TERF2: variants seen among roughly 807,000 people sequenced by gnomAD.
TERF2 encodes the protein telomeric repeat-binding factor 2.
A neutral mutation model predicts 56.1 loss-of-function variants in TERF2; 16 were observed. The observed-to-expected ratio is 0.29, with a 90% CI of 0.19 to 0.43. The LOEUF (loss-of-function observed/expected upper bound fraction) is 0.43. Ranked by LOEUF, TERF2 falls within the 20% of genes least tolerant of loss-of-function variation. The pLI is 1.00. For synonymous variants in TERF2, 296 were observed against 282.1 expected (o/e 1.05, Z -0.50); for missense variants, 547 against 712.9 (o/e 0.77, Z 2.65).
In TERF2 at chr16:69,378,116, T is replaced by C. The variant is rs901839604; in HGVS notation, c.607-5761A>G. ...TGAGTGTTTTTATCATGAACTAATG[T>C]TGAATTCTGTGAATTTCAGCATCAA... On this transcript the variant is annotated intron_variant, in intron 3 of 9. Coordinates refer to ENST00000254942, the MANE Select transcript of TERF2 (RefSeq NM_005652.5). Among the ~76,000 whole-genome samples, 7 of 152,252 alleles carry C rather than the reference T, an allele frequency of 4.6e-5. 1 individual carries two copies. Among genetic ancestry groups the C allele is most frequent in the African/African-American group, 1.7e-4 (7 of 41,464 alleles).
intron 6 of TERF2, among the ~76,000 whole-genome samples, chr16:69,367,816 A>T (rs776579975): frequency 6.6e-6 from 1 of 152,164 alleles, no homozygotes; most frequent in Non-Finnish European, 1.5e-5. Flanking sequence ...AAAACTGGGA[A>T]ATCTCATGGA....
chr16:69,380,301 T>C (rs929247312), intron 3 of TERF2, among the ~76,000 whole-genome samples: 1 of 152,162 alleles, frequency 6.6e-6, no homozygotes, highest in African/African-American at 2.4e-5. Flanking sequence ...CAGAAAACTG[T>C]GGCTATTCTT....
chr16:69,370,819 T>G (rs780153680), intron 4 of TERF2, among the ~76,000 whole-genome samples, 190 bp from the exon 5 acceptor site: 1 of 152,202 alleles, frequency 6.6e-6, no homozygotes, highest in African/African-American at 2.4e-5. Context: ...AGTGGGTTAC[T>G]ATGCAGCTAT....
chr16:69,373,417 A>C (rs1255637451), intron 3 of TERF2, among the ~76,000 whole-genome samples: 1 of 152,198 alleles, frequency 6.6e-6, no homozygotes, highest in East Asian at 1.9e-4. Context: ...CATTTTTAAA[A>C]ATTAGAAAAG....
At chr16:69,368,818 A>G (rs2013451838) in intron 5 of TERF2, among the ~76,000 whole-genome samples, 1 of 151,992 alleles carries the variant, frequency 6.6e-6, no homozygotes, top group Admixed American at 6.6e-5. Flanking sequence ...CTGGGATTAC[A>G]GGCGCCCACC....
rs781114980 is a variant in TERF2, at chr16:69,372,276, G to A, written c.686C>T (p.Thr229Ile). The change falls in exon 4 of 10, where the codon ACA becomes ATA. Residue 229 changes from threonine (T) to isoleucine (I), a missense_variant. By Grantham distance (89) the Thr-to-Ile change is moderately conservative. This residue lies in a region of TERF2 where 97 missense variants were observed against 157.0 expected (regional missense o/e 0.62). Transcript: ENST00000254942. Reference sequence around the variant, plus strand: ...AAAATGTATCAAATTTACCTGAGTTGTGGGGTCCTTGGACATATGTTTTTT... The same window carrying A: ...AAAATGTATCAAATTTACCTGAGTTATGGGGTCCTTGGACATATGTTTTTT... ...ILKKHMSKDP[T>I]TQKLRNDLLN... 6.2e-7 allele frequency: 1 copy of A among 1,604,438 alleles called. No homozygotes were observed. The highest frequency in any genetic ancestry group is 8.5e-7 in the Non-Finnish European group (1 of 1,176,442).
At chr16:69,361,623 G>T in intron 7 of TERF2, 134 bp from the exon 8 acceptor site, 2 of 679,506 alleles carry the variant, frequency 2.9e-6, no homozygotes, top group South Asian at 3.4e-5. Flanking sequence ...TCGCCTGCAT[G>T]CACCTCCCAA....
chr16:69,366,806 C>T lies in TERF2; in HGVS notation c.1340+1G>A. ...AATTTCTACAAAGAAGGTCTTCATA[C>T]TTGGGATTCTTCTCTCCAGGGAGGG... is the stretch of plus-strand genomic sequence containing the variant. On this transcript the variant is annotated splice_donor_variant, in intron 7 of 9. Coordinates refer to ENST00000254942, the MANE Select transcript of TERF2 (RefSeq NM_005652.5). LOFTEE classifies it high-confidence loss of function. 1 of 1,603,112 alleles carries T rather than the reference C, an allele frequency of 6.2e-7. No homozygotes were observed. Among genetic ancestry groups the T allele is most frequent in the Non-Finnish European group, 8.5e-7 (1 of 1,174,162 alleles).
chr16:69,366,467 C>A, intron 7 of TERF2: 1 of 269,606 alleles, frequency 3.7e-6, no homozygotes, highest in Non-Finnish European at 7.0e-6. Context: ...ATAATGTGGC[C>A]CAATGCAAAC....
chr16:69,368,486 G>A lies in TERF2; in HGVS notation c.841-4C>T, dbSNP rs2013435858. The A allele has an allele frequency of 1.7e-5, 28 of 1,613,918 alleles. No homozygotes were observed. The highest frequency in any genetic ancestry group is 2.3e-5 in the Non-Finnish European group (27 of 1,179,962). On this transcript the variant is annotated splice_region_variant and splice_polypyrimidine_tract_variant and intron_variant, in intron 5 of 9. Transcript: ENST00000254942. ...ATTTCAAAGCCTTTTTGGCCATCTG[G>A]GAAAGGAAGGATGTCATCAGGAAGA...
intron 3 of TERF2, among the ~76,000 whole-genome samples, chr16:69,381,673 G>T (rs1239388505): frequency 6.6e-6 from 1 of 151,840 alleles, no homozygotes; most frequent in African/African-American, 2.4e-5. Flanking sequence ...TAGAGACAGG[G>T]TTTCACTATG....
rs1433661539 is a variant in TERF2 at position 69,357,849 on chromosome 16, T to G, written c.1427-288A>C. ...TCAGTAAAATCAACATCGTTTTCTT[T>G]TTTTTTTTTTTTTTTTTGAGACGGA... is the stretch of plus-strand genomic sequence containing the variant. On this transcript the variant is annotated intron_variant, in intron 8 of 9. Transcript: ENST00000254942. 2.0e-5 allele frequency among the ~76,000 whole-genome samples: 3 copies of G among 147,492 alleles called. No homozygotes were observed. The East Asian group carries it at 5.8e-4, about 29-fold the overall frequency.
chr16:69,372,415 C>T, intron 3 of TERF2, 60 bp from the exon 4 acceptor site: 1 of 1,099,098 alleles, frequency 9.1e-7, no homozygotes, highest in Non-Finnish European at 1.3e-6. Context: ...ATCAGAATAT[C>T]AAACATCAAA....
chr16:69,366,551 G>A (rs2013351360), intron 7 of TERF2: 1 of 455,794 alleles, frequency 2.2e-6, no homozygotes, highest in South Asian at 5.4e-5. Flanking sequence ...TGAAAGCAGC[G>A]ATGAGTAGGA....
chr16:69,377,261 T>C (rs1034947760), intron 3 of TERF2, among the ~76,000 whole-genome samples: 2 of 152,110 alleles, frequency 1.3e-5, no homozygotes, highest in South Asian at 2.1e-4. Context: ...ATTAACTCTA[T>C]AGATCAACGG....
rs1457835677 is a variant in TERF2 at position 69,370,540 on chromosome 16, C to T, written c.783G>A (p.Gln261=). The change falls in exon 5 of 10, where the codon CAG becomes CAA. Residue 261 remains glutamine, a synonymous_variant. Transcript: ENST00000254942. ...IQNFSYETFQ[Q]KMLRFLESHL... is the part of the protein sequence containing the mutation. ...GGCTCTCCAGGAAGCGCAGCATCTT[C>T]TGCTGGAAGGTCTCATATGAAAAGT... 2.5e-6 allele frequency: 4 copies of T among 1,614,206 alleles called. No homozygotes were observed. The highest frequency in any genetic ancestry group is 3.4e-6 in the Non-Finnish European group (4 of 1,180,038).
rs2013990093 is a variant in TERF2 at position 69,381,252 on chromosome 16, C to G, written c.606+3328G>C. On this transcript the variant is annotated intron_variant, in intron 3 of 9. Transcript: ENST00000254942. The stretch of plus-strand genomic sequence containing the variant: ...TAAACTTTATCACTGGCAACAAATA[C>G]TGTCACTTGTTTTATGTGACAGGTT... Among the ~76,000 whole-genome samples the G allele has an allele frequency of 2.0e-5, 3 of 152,176 alleles. No individual in the cohort carries two copies. In the South Asian group the frequency reaches 6.2e-4, roughly 32 times the overall value.
Position 69,383,580 on chromosome 16 carries a change from C to T in TERF2, c.606+1000G>A, listed in dbSNP as rs1014434590. ...TGAAATTATTCTTCCTTGGAAATGA[C>T]TAATATTTAAGCATTTCTTTACCAG... On this transcript the variant is annotated intron_variant, in intron 3 of 9. Coordinates refer to ENST00000254942, the MANE Select transcript of TERF2 (RefSeq NM_005652.5). Among the ~76,000 whole-genome samples, 9 of 152,310 alleles carry T rather than the reference C, an allele frequency of 5.9e-5. No homozygotes were observed. The South Asian group carries it at 1.7e-3, about 28-fold the overall frequency.
intron 7 of TERF2, 110 bp from the exon 8 acceptor site, chr16:69,361,599 A>C: frequency 1.3e-6 from 1 of 790,204 alleles, no homozygotes. Flanking sequence ...TCCCGTTGTG[A>C]CCACAATCGA....
Sources: allele counts gnomAD v4.1 joint callset (sites outside exome capture counted in the v4.1 genomes callset), GRCh38; gene constraint gnomAD v4.1.1; regional missense constraint gnomAD v4.1.1; transcripts MANE v1.5; gene names NCBI Gene and HGNC (gene_info 2026-07-23, HGNC 2026-07-21).